ZMYND8: variants seen among roughly 807,000 people sequenced by gnomAD.
The protein encoded by ZMYND8 is MYND-type zinc finger-containing chromatin reader ZMYND8.
A neutral mutation model predicts 140.8 loss-of-function variants in ZMYND8; 37 were observed. The observed-to-expected ratio is 0.26, with a 90% CI of 0.20 to 0.35. The LOEUF is 0.35. Ranked by LOEUF, ZMYND8 falls within the 10% of genes least tolerant of loss-of-function variation. ZMYND8 has a pLI of 1.00. For missense variants in ZMYND8, 1,068 were observed against 1,570.0 expected (o/e 0.68, Z 5.40); for synonymous variants, 592 against 597.1 (o/e 0.99, Z 0.12).
intron 2 of ZMYND8, among the ~76,000 whole-genome samples, chr20:47,346,542 GC>G (rs2082348689): frequency 6.6e-6 from 1 of 151,880 alleles, no homozygotes; most frequent in South Asian, 2.1e-4. Flanking sequence ...GAGATCAGCA[GC>G]CAGCTTCTGC....
intron 2 of ZMYND8, among the ~76,000 whole-genome samples, chr20:47,343,296 A>G (rs2082059799): frequency 6.6e-6 from 1 of 152,160 alleles, no homozygotes; most frequent in Admixed American, 6.5e-5. Flanking sequence ...CGAACAAATA[A>G]ATAAACCCCA....
intron 12 of ZMYND8, among the ~76,000 whole-genome samples, chr20:47,257,989 C>A (rs568576281): frequency 6.6e-6 from 1 of 152,116 alleles, no homozygotes; most frequent in Non-Finnish European, 1.5e-5. Context: ...TCCCAACGTG[C>A]GGGAATTACA....
At chr20:47,332,656 G>C (rs895783120) in intron 2 of ZMYND8, among the ~76,000 whole-genome samples, 1 of 152,206 alleles carries the variant, frequency 6.6e-6, no homozygotes, top group African/African-American at 2.4e-5. Flanking sequence ...GCTGCAGTGA[G>C]CGAGGATCAT....
intron 4 of ZMYND8, among the ~76,000 whole-genome samples, chr20:47,294,981 C>T (rs2077549203): frequency 1.3e-5 from 2 of 152,190 alleles, no homozygotes; most frequent in South Asian, 4.1e-4. Context: ...CAATCTATTT[C>T]CTTATCAGGA....
Position 47,294,653 on chromosome 20 carries a change from A to C in ZMYND8, c.567+13T>G, listed in dbSNP as rs202187407. 3.5e-5 allele frequency: 57 copies of C among 1,610,446 alleles called. 1 individual carries two copies. The South Asian group carries it at 6.0e-4, about 17-fold the overall frequency. The stretch of plus-strand genomic sequence containing the variant: ...TTCATTTACGCGTATACCAAGAGGA[A>C]CTTTCTTCTTACCCCTGGCTGTTTC... On this transcript the variant is annotated intron_variant, in intron 5 of 22. Transcript: ENST00000471951.
At chr20:47,247,647 T>C (rs2040728385) in intron 13 of ZMYND8, among the ~76,000 whole-genome samples, 1 of 152,164 alleles carries the variant, frequency 6.6e-6, no homozygotes, top group African/African-American at 2.4e-5. Context: ...CCCAATCAAG[T>C]CTGTGCAATC....
rs191980119 is a variant in ZMYND8, at chr20:47,312,075, T to C, written c.86-1871A>G. 3.8e-3 allele frequency among the ~76,000 whole-genome samples: 570 copies of C among 151,854 alleles called. 6 individuals carry two copies. The highest frequency in any genetic ancestry group is 0.013 in the African/African-American group (527 of 41,380). Reference sequence around the variant, plus strand: ...AGAGGGGTGAGCTGTGCCAAGACCATAGGGGGGATGGGGTGGGATGGGATG... The same window carrying C: ...AGAGGGGTGAGCTGTGCCAAGACCACAGGGGGGATGGGGTGGGATGGGATG... On this transcript the variant is annotated intron_variant, in intron 2 of 22. Coordinates refer to ENST00000471951, the MANE Select transcript of ZMYND8 (RefSeq NM_001281775.3).
chr20:47,216,547 T>G (rs1022561170), intron 21 of ZMYND8, among the ~76,000 whole-genome samples: 13 of 138,342 alleles, frequency 9.4e-5, no homozygotes, highest in African/African-American at 1.4e-4. Context: ...TGGCTCAAGC[T>G]TGTAATCCCA....
chr20:47,352,969 T>C (rs1173554641), intron 1 of ZMYND8: 1 of 152,200 alleles, frequency 6.6e-6, no homozygotes, highest in East Asian at 1.9e-4. Context: ...TGCTGTGCAG[T>C]AGCGAAGGCC....
chr20:47,267,539 A>G (rs1318280185), intron 11 of ZMYND8, among the ~76,000 whole-genome samples: 4 of 151,732 alleles, frequency 2.6e-5, no homozygotes, highest in African/African-American at 7.3e-5. Context: ...TGCCCTGCCT[A>G]TCATTTCCCA....
chr20:47,245,153 T>C (rs1335098443), intron 14 of ZMYND8, among the ~76,000 whole-genome samples: 1 of 152,136 alleles, frequency 6.6e-6, no homozygotes, highest in Non-Finnish European at 1.5e-5. Context: ...ATCACCCAAA[T>C]ACTGTCCTAC....
intron 7 of ZMYND8, among the ~76,000 whole-genome samples, chr20:47,288,984 C>G (rs1254500283): frequency 5.3e-5 from 8 of 152,070 alleles, no homozygotes; most frequent in African/African-American, 1.9e-4. Flanking sequence ...CGCCTGTAAT[C>G]CCAGCTACTC....
At position 47,263,700 on chromosome 20, in the gene ZMYND8, G is replaced by A. The variant is rs529801249; in HGVS notation, c.1481-1272C>T. On this transcript the variant is annotated intron_variant, in intron 11 of 22. Transcript: ENST00000471951. ...CTGTGTAACCCTGGGCCAGTTACTG[G>A]CACCTCTGCCTCCCTCTTCCTGGCA... Among the ~76,000 whole-genome samples the A allele has an allele frequency of 3.9e-5, 6 of 152,318 alleles. No homozygotes were observed. The South Asian group carries it at 1.2e-3, about 32-fold the overall frequency.
chr20:47,330,551 A>G (rs2080855215), intron 2 of ZMYND8, among the ~76,000 whole-genome samples: 2 of 152,040 alleles, frequency 1.3e-5, no homozygotes, highest in African/African-American at 4.8e-5. Context: ...GAGTGGGACA[A>G]TCTGACTTGT....
chr20:47,229,454 T>G (rs1395276489), intron 17 of ZMYND8, among the ~76,000 whole-genome samples: 1 of 152,180 alleles, frequency 6.6e-6, no homozygotes, highest in African/African-American at 2.4e-5. Context: ...AAAGAACTGG[T>G]GTCCAGTTTC....
At chr20:47,356,506 C>A (rs569557925) in intron 1 of ZMYND8, 151 bp downstream of exon 1, 60 of 1,602,700 alleles carry the variant, frequency 3.7e-5, no homozygotes, top group Non-Finnish European at 5.0e-5. Flanking sequence ...CCCAAGAAAG[C>A]AAAAAAATTC....
intron 12 of ZMYND8, among the ~76,000 whole-genome samples, chr20:47,250,878 T>A (rs1282202175): frequency 6.6e-6 from 1 of 152,172 alleles, no homozygotes; most frequent in Non-Finnish European, 1.5e-5. Flanking sequence ...AGAGGTCTTT[T>A]CCCAGCCAGG....
At chr20:47,345,737 G>A (rs1452729333) in intron 2 of ZMYND8, among the ~76,000 whole-genome samples, 1 of 151,518 alleles carries the variant, frequency 6.6e-6, no homozygotes, top group Non-Finnish European at 1.5e-5. Flanking sequence ...TCGAACTCCT[G>A]AGCTCAGACA....
intron 1 of ZMYND8, among the ~76,000 whole-genome samples, chr20:47,355,982 C>T (rs1038043182): frequency 1.3e-5 from 2 of 152,010 alleles, no homozygotes; most frequent in African/African-American, 4.8e-5. Flanking sequence ...AATGTAGTTT[C>T]AAGTGCAGAA....
Sources: gnomAD v4.1 joint callset for allele counts (sites outside exome capture counted in the v4.1 genomes callset) on GRCh38, gnomAD v4.1.1 for gene constraint, MANE v1.5 for transcripts, NCBI Gene and HGNC (gene_info 2026-07-23, HGNC 2026-07-21) for gene names.